The following RFFL variants were observed in gnomAD, a reference collection of about 807,000 sequenced individuals.
RFFL encodes the protein E3 ubiquitin-protein ligase rififylin.
A neutral mutation model predicts 40.4 loss-of-function variants in RFFL; 16 were observed. The observed-to-expected ratio is 0.40, with a 90% CI of 0.27 to 0.60. The LOEUF (loss-of-function observed/expected upper bound fraction) is 0.60. RFFL is among the 20% of genes least tolerant of loss of function. The pLI, the probability that RFFL is intolerant of heterozygous loss-of-function variation, is 0.47. For missense variants in RFFL, 367 were observed against 451.7 expected (o/e 0.81, Z 1.70); for synonymous variants, 154 against 167.9 (o/e 0.92, Z 0.64).
At chr17:35,017,659 T>C (rs2142317703) in intron 3 of RFFL, 53 bp from the exon 4 acceptor site, 2 of 1,199,944 alleles carry the variant, frequency 1.7e-6, no homozygotes, top group African/African-American at 1.5e-5. Context: ...GAGATCTGCA[T>C]AGCATGGGCC....
intron 1 of RFFL, among the ~76,000 whole-genome samples, chr17:35,077,388 C>A (rs1361157252): frequency 1.3e-5 from 2 of 152,162 alleles, no homozygotes; most frequent in East Asian, 3.8e-4. Flanking sequence ...CAAGATAAAA[C>A]ACAGAAAATC....
At chr17:35,055,140 G>A (rs889240975) in intron 1 of RFFL, among the ~76,000 whole-genome samples, 2 of 151,830 alleles carry the variant, frequency 1.3e-5, no homozygotes, top group African/African-American at 4.8e-5. Context: ...AGATGGTCTC[G>A]ATCTCCTGAC....
intron 1 of RFFL, among the ~76,000 whole-genome samples, chr17:35,029,970 C>T (rs1227440632): frequency 6.6e-6 from 1 of 150,768 alleles, no homozygotes; most frequent in Non-Finnish European, 1.5e-5. Context: ...CAATAGTTTA[C>T]TGAGAATGAT....
chr17:35,086,015 T>C lies in RFFL; in HGVS notation c.-9+3090A>G, dbSNP rs148857976. Among the ~76,000 whole-genome samples the C allele has an allele frequency of 5.3e-5, 8 of 152,338 alleles. 1 individual carries two copies. In the East Asian group the frequency reaches 1.5e-3, roughly 29 times the overall value. ...GGGAGGGCAGAGGTCTTTAAATACA[T>C]GAGGCCAATTCCTACCTATCTGAGA... On this transcript the variant is annotated intron_variant, in intron 1 of 6. Coordinates refer to the RFFL transcript ENST00000315249.
chr17:35,077,650 CT>C (rs1247292629), intron 1 of RFFL, among the ~76,000 whole-genome samples: 1 of 152,222 alleles, frequency 6.6e-6, no homozygotes, highest in African/African-American at 2.4e-5. Context: ...CCCTCATTAT[CT>C]TATAGCTTCT....
intron 1 of RFFL, among the ~76,000 whole-genome samples, chr17:35,052,721 C>G (rs1431515168): frequency 1.3e-5 from 2 of 152,144 alleles, no homozygotes; most frequent in African/African-American, 4.8e-5. Context: ...GGGAACTGAA[C>G]TAGATACTAG....
chr17:35,034,091 C>T lies in RFFL; in HGVS notation c.-8-7530G>A, dbSNP rs567742312. The stretch of plus-strand genomic sequence containing the variant: ...CCGGGAGGCGGAGCTTGCAGTGAGC[C>T]GAGATCGCACCACTGTACTCCAGTC... On this transcript the variant is annotated intron_variant, in intron 1 of 6. Coordinates refer to ENST00000394597, the MANE Select transcript of RFFL (RefSeq NM_001017368.2). Among the ~76,000 whole-genome samples, 4 of 150,300 alleles carry T rather than the reference C, an allele frequency of 2.7e-5. No individual in the cohort carries two copies. In the East Asian group the frequency reaches 7.7e-4, roughly 29 times the overall value.
At chr17:35,045,201 T>G (rs1317251261) in intron 1 of RFFL, among the ~76,000 whole-genome samples, 1 of 152,048 alleles carries the variant, frequency 6.6e-6, no homozygotes, top group Non-Finnish European at 1.5e-5. Flanking sequence ...CAGTACTGTA[T>G]CTAATCAACT....
At chr17:35,079,371 G>GT (rs1369624299) in intron 1 of RFFL, among the ~76,000 whole-genome samples, 2 of 152,110 alleles carry the variant, frequency 1.3e-5, no homozygotes, top group Admixed American at 6.5e-5. Flanking sequence ...ATTTCAGTCT[G>GT]TTTTTTTGCT....
intron 1 of RFFL, 66 bp from the exon 2 acceptor site, chr17:35,026,627 C>T: frequency 7.5e-7 from 1 of 1,335,064 alleles, no homozygotes; most frequent in Non-Finnish European, 1.0e-6. Flanking sequence ...CTTTTGATGT[C>T]CGAGAGCACA....
chr17:35,042,001 C>T (rs559096316), intron 1 of RFFL, among the ~76,000 whole-genome samples: 3 of 152,034 alleles, frequency 2.0e-5, no homozygotes, highest in South Asian at 2.1e-4. Flanking sequence ...GGCCACAGAG[C>T]GAGACTCCAT....
In RFFL at chr17:35,021,478, G is replaced by C. The variant is rs773824919; in HGVS notation, c.484C>G (p.Leu162Val). ...SPDFPEQQAF[L>V]TQPHSSMVPP... ...ACCATGCTGGAGTGAGGCTGGGTCAGGAAGGCCTGCTGCTCAGGAAAGTCT... is the reference window on the plus strand; with the variant it reads ...ACCATGCTGGAGTGAGGCTGGGTCACGAAGGCCTGCTGCTCAGGAAAGTCT... Residue 162 changes from leucine (L) to valine (V), a missense_variant, in exon 3 of 7, where the codon CTG (leucine) becomes GTG (valine). Leu to Val is a conservative substitution (Grantham distance 32, BLOSUM62 1). Transcript: ENST00000394597. 1.3e-6 allele frequency: 2 copies of C among 1,582,280 alleles called. No individual in the cohort carries two copies. Among genetic ancestry groups the C allele is most frequent in the Non-Finnish European group, 8.6e-7 (1 of 1,165,048 alleles).
chr17:35,045,033 G>A (rs2142350148), intron 1 of RFFL, among the ~76,000 whole-genome samples: 2 of 152,072 alleles, frequency 1.3e-5, no homozygotes, highest in Admixed American at 1.3e-4. Context: ...CACCATGCCT[G>A]GCCTCATAGA....
At chr17:35,073,484 G>A (rs1378028869) in intron 1 of RFFL, among the ~76,000 whole-genome samples, 2 of 152,210 alleles carry the variant, frequency 1.3e-5, no homozygotes, top group Non-Finnish European at 2.9e-5. Flanking sequence ...AGAAAGACTG[G>A]TGGGAGAGAT....
intron 1 of RFFL, among the ~76,000 whole-genome samples, chr17:35,047,777 A>G (rs2091208437): frequency 6.8e-6 from 1 of 147,996 alleles, no homozygotes; most frequent in Non-Finnish European, 1.5e-5. Flanking sequence ...TTAAATACAG[A>G]GTCTCCCTCT....
chr17:35,052,375 A>AT (rs2142358195), intron 1 of RFFL, among the ~76,000 whole-genome samples: 1 of 152,320 alleles, frequency 6.6e-6, no homozygotes. Context: ...GTCAATTCCT[A>AT]TGCTGCTCAT....
intron 1 of RFFL, among the ~76,000 whole-genome samples, chr17:35,035,226 T>C (rs1230507807): frequency 2.0e-5 from 3 of 152,008 alleles, no homozygotes; most frequent in Non-Finnish European, 4.4e-5. Flanking sequence ...CTGGCTAACA[T>C]GGTGAAACCC....
chr17:35,074,803 C>T (rs756884146), intron 1 of RFFL, among the ~76,000 whole-genome samples: 1 of 152,188 alleles, frequency 6.6e-6, no homozygotes, highest in Admixed American at 6.5e-5. Flanking sequence ...ATCAGTCTTA[C>T]ACAAATTCTC....
chr17:35,045,813 C>A (rs1462261139), intron 1 of RFFL, among the ~76,000 whole-genome samples: 1 of 151,948 alleles, frequency 6.6e-6, no homozygotes, highest in Non-Finnish European at 1.5e-5. Flanking sequence ...CACCTGAGGT[C>A]AGGAGTTTGA....
Sources: gnomAD v4.1 joint callset for allele counts (sites outside exome capture counted in the v4.1 genomes callset) on GRCh38, gnomAD v4.1.1 for gene constraint, MANE v1.5 for transcripts, NCBI Gene and HGNC (gene_info 2026-07-23, HGNC 2026-07-21) for gene names.